The following MCAT variants were observed in gnomAD, a reference collection of about 807,000 sequenced individuals.
MCAT encodes malonyl-CoA-acyl carrier protein transacylase, mitochondrial.
Under a neutral mutation model 22.9 loss-of-function variants are expected in MCAT, and 22 were observed. The observed-to-expected ratio is 0.96, with a 90% CI of 0.69 to 1.37. The LOEUF (loss-of-function observed/expected upper bound fraction) is 1.37. Among genes scored for constraint, MCAT ranks in the 40% most tolerant of loss-of-function variants. The pLI, the probability that MCAT is intolerant of heterozygous loss-of-function variation, is 0.00. For missense variants in MCAT, 534 were observed against 533.6 expected (o/e 1.00, Z -0.01); for synonymous variants, 240 against 233.9 (o/e 1.03, Z -0.24).
chr22:43,133,277 G>A lies in MCAT; in HGVS notation c.939C>T (p.His313=). The change falls in exon 4 of 4, where the codon CAC becomes CAT. Residue 313 remains histidine (H), a synonymous_variant. Transcript: ENST00000290429. ...AGACCAGCTGCTGGGCCAGCAGCTTGTGGATGTGCCCGGGATGCCTGTATC... is the reference window on the plus strand; with the variant it reads ...AGACCAGCTGCTGGGCCAGCAGCTTATGGATGTGCCCGGGATGCCTGTATC... ...AHRYRHPGHI[H]KLLAQQLVSP... The A allele has an allele frequency of 1.2e-6, 2 of 1,614,220 alleles. No homozygotes were observed. Among genetic ancestry groups the A allele is most frequent in the Non-Finnish European group, 1.7e-6 (2 of 1,180,030 alleles).
At position 43,137,244 on chromosome 22, in the gene MCAT, AC is replaced by A; in HGVS notation, c.565del (p.Val189SerfsTer30). The A allele has an allele frequency of 6.2e-7, 1 of 1,614,192 alleles. No individual in the cohort carries two copies. Among genetic ancestry groups the A allele is most frequent in the Non-Finnish European group, 8.5e-7 (1 of 1,180,042 alleles). On this transcript the variant is annotated frameshift_variant, in exon 3 of 4. Transcript: ENST00000290429. LOFTEE classifies it high-confidence loss of function. Reference protein sequence around the residue: ...AEAMQEASEAVPSGMLSVLGQ... With the variant: ...AEAMQEASEAXPSGMLSVLGQ... ...GAGGACAGACAGCATCCCACTGGGG[AC>A]AGCTTCTGAAGCTTCCTGCATGGCC...
chr22:43,138,410 T>C (rs905501706), intron 2 of MCAT, among the ~76,000 whole-genome samples: 1 of 152,010 alleles, frequency 6.6e-6, no homozygotes, highest in Non-Finnish European at 1.5e-5. Flanking sequence ...CTCAAGAGCA[T>C]GGAGAGAGGG....
At chr22:43,139,821 C>T (rs1930718931) in intron 2 of MCAT, among the ~76,000 whole-genome samples, 1 of 152,122 alleles carries the variant, frequency 6.6e-6, no homozygotes, top group Non-Finnish European at 1.5e-5. Flanking sequence ...AGGTGATCCA[C>T]CCACCTTGGC....
rs1421188294 is a variant in MCAT at position 43,133,220 on chromosome 22, G to A, written c.996C>T (p.Ala332=). 1 of 1,614,114 alleles carries A rather than the reference G, an allele frequency of 6.2e-7. No individual in the cohort carries two copies. Among genetic ancestry groups the A allele is most frequent in the African/African-American group, 1.3e-5 (1 of 74,944 alleles). Residue 332 remains alanine, a synonymous_variant, in exon 4 of 4, where the codon GCC becomes GCT. Transcript: ENST00000290429. ...CCCTGCCCTTTTTCCTTTCGTATAT[G>A]GCATGCATCGTCTGCTCCCACTTCA... ...SPVKWEQTMH[A]IYERKKGRGF...
chr22:43,133,555 C>G, intron 3 of MCAT, 69 bp from the exon 4 acceptor site: 1 of 1,250,308 alleles, frequency 8.0e-7, no homozygotes, highest in Non-Finnish European at 1.1e-6. Flanking sequence ...TGACCATTCA[C>G]AGGGCCAAAC....
rs1930484995 is a variant in MCAT, at chr22:43,132,836, A to G, written c.*207T>C. ...TGGCATCATTCTTCCCAACGTCCAA[A>G]CGTTTTTCCAAGGGGGAGAAATGGA... On this transcript the variant is annotated 3_prime_UTR_variant, in exon 4 of 4. Transcript: ENST00000290429. 1.7e-6 allele frequency: 1 copy of G among 577,716 alleles called. No individual in the cohort carries two copies. The highest frequency in any genetic ancestry group is 3.1e-6 in the Non-Finnish European group (1 of 324,778). 35.8% of individuals were successfully genotyped at this position (577,716 alleles called of 1,614,324 possible).
chr22:43,142,809 T>G, intron 1 of MCAT, 117 bp downstream of exon 1: 7 of 924,428 alleles, frequency 7.6e-6, no homozygotes, highest in Non-Finnish European at 1.0e-5. Flanking sequence ...AAAAAAAAAC[T>G]CGATCGAATG....
chr22:43,133,238 C>T lies in MCAT; in HGVS notation c.978G>A (p.Trp326Ter). 6.2e-7 allele frequency: 1 copy of T among 1,614,228 alleles called. No homozygotes were observed. The highest frequency in any genetic ancestry group is 8.5e-7 in the Non-Finnish European group (1 of 1,180,040). ...CGTATATGGCATGCATCGTCTGCTC[C>T]CACTTCACTGGGGAGACCAGCTGCT... is the stretch of plus-strand genomic sequence containing the variant. Reference protein sequence around the residue: ...LAQQLVSPVKWEQTMHAIYER... With the variant: ...LAQQLVSPVK The change falls in exon 4 of 4, where the codon TGG becomes TGA. Residue 326 changes from tryptophan to a stop codon, truncating the protein, a stop_gained. Coordinates refer to ENST00000290429, the MANE Select transcript of MCAT (RefSeq NM_173467.5). LOFTEE classifies it low-confidence loss of function (END_TRUNC).
In MCAT at chr22:43,142,962, C is replaced by G; in HGVS notation, c.387G>C (p.Leu129=). Residue 129 remains leucine, a synonymous_variant, in exon 1 of 4, where the codon CTG becomes CTC. Transcript: ENST00000290429. ...HCQPAIFVAS[L]AAVEKLHHLQ... is the part of the protein sequence containing the mutation. ...GGTGATGTAGTTTCTCGACAGCGGC[C>G]AGCGATGCCACGAAGATCGCGGGCT... is the stretch of plus-strand genomic sequence containing the variant. The G allele has an allele frequency of 4.4e-6, 7 of 1,594,658 alleles. No homozygotes were observed. Among genetic ancestry groups the G allele is most frequent in the Non-Finnish European group, 6.0e-6 (7 of 1,170,446 alleles).
At chr22:43,138,800 C>T (rs933884283) in intron 2 of MCAT, among the ~76,000 whole-genome samples, 10 of 152,144 alleles carry the variant, frequency 6.6e-5, no homozygotes, top group Non-Finnish European at 1.3e-4. Flanking sequence ...ACACCCTGGT[C>T]CTGCTTCCTG....
At chr22:43,136,938 A>G in intron 3 of MCAT, 143 bp downstream of exon 3, 1 of 730,252 alleles carries the variant, frequency 1.4e-6, no homozygotes, top group Non-Finnish European at 2.4e-6. Context: ...CACTCGGTCT[A>G]CCTCACTGCC....
intron 3 of MCAT, among the ~76,000 whole-genome samples, chr22:43,135,242 C>CCTAT (rs572108517): frequency 9.9e-5 from 15 of 152,254 alleles, no homozygotes; most frequent in Admixed American, 6.5e-4. Context: ...GTGGCTCACA[C>CCTAT]CTATAATCCC....
chr22:43,135,150 T>TC (rs965678226), intron 3 of MCAT, among the ~76,000 whole-genome samples: 2 of 152,152 alleles, frequency 1.3e-5, no homozygotes, highest in East Asian at 1.9e-4. Context: ...GAAAGGGGCT[T>TC]CCCCCCTGAG....
intron 2 of MCAT, among the ~76,000 whole-genome samples, chr22:43,139,709 C>T (rs1308642225): frequency 1.3e-5 from 2 of 151,504 alleles, no homozygotes; most frequent in African/African-American, 2.4e-5. Context: ...TCCCAAGTAG[C>T]TAAGATTACA....
chr22:43,141,137 C>T, intron 2 of MCAT, 25 bp downstream of exon 2: 2 of 1,609,544 alleles, frequency 1.2e-6, no homozygotes, highest in Non-Finnish European at 1.7e-6. Flanking sequence ...CACAGCCTTG[C>T]ATAAAACCAA....
chr22:43,137,623 G>A (rs1219662365), intron 2 of MCAT, among the ~76,000 whole-genome samples: 2 of 152,206 alleles, frequency 1.3e-5, no homozygotes, highest in Admixed American at 6.5e-5. Flanking sequence ...AGGGGAGAGT[G>A]CCACTGACGT....
At position 43,132,895 on chromosome 22, in the gene MCAT, C is replaced by CT; in HGVS notation, c.*147dup. ...TGTAAAGAAATACTCATTTTTAGGG[C>CT]TTTTTATGTGGCCTTCAAAGCACGT... On this transcript the variant is annotated 3_prime_UTR_variant, in exon 4 of 4. Coordinates refer to ENST00000290429, the MANE Select transcript of MCAT (RefSeq NM_173467.5). 1 of 676,988 alleles carries CT rather than the reference C, an allele frequency of 1.5e-6. No individual in the cohort carries two copies. The highest frequency in any genetic ancestry group is 2.5e-6 in the Non-Finnish European group (1 of 399,424). 41.9% of individuals were successfully genotyped at this position (676,988 alleles called of 1,614,324 possible). A position where few individuals can be genotyped will look rare whatever the true frequency, so the allele number is the denominator to read the frequency against.
At chr22:43,135,276 G>A (rs983343242) in intron 3 of MCAT, among the ~76,000 whole-genome samples, 29 of 152,322 alleles carry the variant, frequency 1.9e-4, no homozygotes, top group African/African-American at 6.3e-4. Flanking sequence ...GCCGAGGTGG[G>A]CAGATCACCT....
At chr22:43,139,580 CT>C (rs55787888) in intron 2 of MCAT, among the ~76,000 whole-genome samples, 51 of 142,150 alleles carry the variant, frequency 3.6e-4, no homozygotes, top group Admixed American at 4.9e-4. Flanking sequence ...TAATTCTGCA[CT>C]TTTTTTTTTT....
Sources: allele counts gnomAD v4.1 joint callset (sites outside exome capture counted in the v4.1 genomes callset), GRCh38; gene constraint gnomAD v4.1.1; transcripts MANE v1.5; gene names NCBI Gene and HGNC (gene_info 2026-07-23, HGNC 2026-07-21).